Variants in TYW5 observed in about 807,000 individuals in gnomAD.
TYW5 encodes tRNA-yW synthesizing protein 5.
A neutral mutation model predicts 44.4 loss-of-function variants in TYW5; 36 were observed. That is an observed-to-expected ratio of 0.81 (90% CI 0.62 to 1.07). The LOEUF (loss-of-function observed/expected upper bound fraction) is 1.07, where lower values mean the gene tolerates loss of function less well. Ranked by LOEUF, TYW5 falls within the 50% of genes least tolerant of loss-of-function variation. TYW5 has a pLI of 0.00. For synonymous variants in TYW5, 121 were observed against 128.1 expected, an observed-to-expected ratio of 0.94 and a Z score of 0.37; for missense variants, 354 against 365.7, an observed-to-expected ratio of 0.97 and a Z score of 0.26.
intron 1 of TYW5, among the ~76,000 whole-genome samples, chr2:199,950,097 T>C (rs1020967172): frequency 6.6e-6 from 1 of 152,192 alleles, no homozygotes; most frequent in African/African-American, 2.4e-5. Flanking sequence ...AGTTAGGATA[T>C]ATGTGAGGGT....
At chr2:199,950,666 G>A (rs1377447965) in intron 1 of TYW5, among the ~76,000 whole-genome samples, 1 of 152,172 alleles carries the variant, frequency 6.6e-6, no homozygotes, top group Non-Finnish European at 1.5e-5. Flanking sequence ...GTGTGTGTAT[G>A]TGCACGTGCG....
At position 199,929,501 on chromosome 2, in the gene TYW5, A is replaced by T. The variant is rs1022917592; in HGVS notation, c.*3566T>A. On this transcript the variant is annotated 3_prime_UTR_variant, in exon 8 of 8. Transcript: ENST00000354611. Reference sequence around the variant, plus strand: ...TCTATTTTTTAGCACTGGGGAAAGGAGTCACAGCAGCACAGTTCCAATTCC... The same window carrying T: ...TCTATTTTTTAGCACTGGGGAAAGGTGTCACAGCAGCACAGTTCCAATTCC... Among the ~76,000 whole-genome samples the T allele has an allele frequency of 1.3e-5, 2 of 150,858 alleles. No individual in the cohort carries two copies. Among genetic ancestry groups the T allele is most frequent in the Non-Finnish European group, 2.9e-5 (2 of 67,864 alleles).
In TYW5 at chr2:199,938,935, CATA is replaced by C; in HGVS notation, c.481_483del (p.Tyr161del). ...AATTTCTCATTTATGTAGCATACAT[CATA>C]ATGAGTCCATAGTTGTAATCCTGGT... On this transcript the variant is annotated inframe_deletion, in exon 5 of 8. Transcript: ENST00000354611. 6.2e-7 allele frequency: 1 copy of C among 1,603,560 alleles called. No individual in the cohort carries two copies. The highest frequency in any genetic ancestry group is 8.5e-7 in the Non-Finnish European group (1 of 1,177,026).
At chr2:199,948,146 G>A (rs1462279481) in intron 2 of TYW5, 172 bp downstream of exon 2, 1 of 628,730 alleles carries the variant, frequency 1.6e-6, no homozygotes, top group Non-Finnish European at 2.7e-6. Context: ...TGTAAACTCA[G>A]AACTCTTGTC....
At chr2:199,939,178 T>A (rs2077444565) in intron 4 of TYW5, 108 bp from the exon 5 acceptor site, 1 of 974,380 alleles carries the variant, frequency 1.0e-6, no homozygotes, top group East Asian at 2.6e-5. Context: ...GATGTGACCA[T>A]GTGCCAATAC....
rs1019001211 is a variant in TYW5, at chr2:199,943,684, G to C, written c.303+81C>G. ...TATCAGAGACGGCTGTTGCTCTTGT[G>C]TATCTACTATTCTTTCATAAGAAAA... On this transcript the variant is annotated intron_variant, in intron 3 of 7. Coordinates refer to ENST00000354611, the MANE Select transcript of TYW5 (RefSeq NM_001039693.3). The C allele has an allele frequency of 3.7e-5, 41 of 1,106,860 alleles. 1 individual carries two copies. In the Admixed American group the frequency reaches 5.4e-4, roughly 15 times the overall value. 68.6% of individuals were successfully genotyped at this position (1,106,860 alleles called of 1,614,324 possible). A position where few individuals can be genotyped will look rare whatever the true frequency, so the allele number is the denominator to read the frequency against.
rs2077355705 is a variant in TYW5, at chr2:199,929,397, T to TACAA, written c.*3669_*3670insTTGT. On this transcript the variant is annotated 3_prime_UTR_variant, in exon 8 of 8. Coordinates refer to ENST00000354611, the MANE Select transcript of TYW5 (RefSeq NM_001039693.3). ...TTAAGACACCCAAAAACTTGTGGCT[T>TACAA]GTATGCTTGAAACAAGACTAAGGTA... 6.6e-6 allele frequency among the ~76,000 whole-genome samples: 1 copy of TACAA among 152,062 alleles called. No individual in the cohort carries two copies. Among genetic ancestry groups the TACAA allele is most frequent in the Non-Finnish European group, 1.5e-5 (1 of 68,026 alleles).
At chr2:199,948,806 A>G (rs1024016479) in intron 1 of TYW5, among the ~76,000 whole-genome samples, 1 of 152,218 alleles carries the variant, frequency 6.6e-6, no homozygotes, top group Admixed American at 6.5e-5. Flanking sequence ...GAGCACTACA[A>G]AGAATTTCCG....
chr2:199,936,363 T>C (rs1255854580), intron 6 of TYW5, 42 bp downstream of exon 6: 3 of 1,511,162 alleles, frequency 2.0e-6, no homozygotes, highest in African/African-American at 1.4e-5. Flanking sequence ...AAAGAGTAAC[T>C]GAATAGACTT....
intron 2 of TYW5, chr2:199,947,216 A>G (rs2077510030): frequency 6.6e-6 from 1 of 152,268 alleles, no homozygotes; most frequent in Non-Finnish European, 1.5e-5. Context: ...GGCTGTGGAC[A>G]TTAGAAGCTC....
chr2:199,941,290 G>A (rs1224603971), intron 3 of TYW5, among the ~76,000 whole-genome samples: 1 of 152,158 alleles, frequency 6.6e-6, no homozygotes, highest in Non-Finnish European at 1.5e-5. Context: ...ATCCTCCGGT[G>A]TTGGCCTCCC....
intron 3 of TYW5, among the ~76,000 whole-genome samples, chr2:199,941,225 GAGA>G (rs1379591721): frequency 6.6e-6 from 1 of 152,062 alleles, no homozygotes. Flanking sequence ...ACTATTTGTA[GAGA>G]AGGAGACTCG....
chr2:199,951,797 A>T (rs1574811086), intron 1 of TYW5, among the ~76,000 whole-genome samples: 1 of 152,204 alleles, frequency 6.6e-6, no homozygotes, highest in East Asian at 1.9e-4. Flanking sequence ...CAGGCGGATC[A>T]CAAAGTCAGG....
rs770190768 is a variant in TYW5 at position 199,940,080 on chromosome 2, A to G, written c.348+9T>C. 2.2e-5 allele frequency: 36 copies of G among 1,611,512 alleles called. No homozygotes were observed. The East Asian group carries it at 7.6e-4, about 34-fold the overall frequency. On this transcript the variant is annotated intron_variant, in intron 4 of 7. Coordinates refer to ENST00000354611, the MANE Select transcript of TYW5 (RefSeq NM_001039693.3). The stretch of plus-strand genomic sequence containing the variant: ...TTTTAGGGAATTGTTTTACATTTAG[A>G]ATTCTTACCTTTCTAGGGTCTTCTC...
chr2:199,949,503 A>G (rs892872440), intron 1 of TYW5, among the ~76,000 whole-genome samples: 1 of 152,216 alleles, frequency 6.6e-6, no homozygotes, highest in African/African-American at 2.4e-5. Context: ...CTGAGATGTC[A>G]CACTGCATTC....
chr2:199,938,201 A>G (rs1010368908), intron 5 of TYW5, among the ~76,000 whole-genome samples: 2 of 151,830 alleles, frequency 1.3e-5, no homozygotes, highest in Non-Finnish European at 2.9e-5. Flanking sequence ...AGTAGCTGGG[A>G]CTACAGGCAC....
Position 199,936,051 on chromosome 2 carries a change from A to C in TYW5, c.575-4T>G. 2.0e-6 allele frequency: 3 copies of C among 1,471,574 alleles called. No individual in the cohort carries two copies. Among genetic ancestry groups the C allele is most frequent in the Non-Finnish European group, 2.8e-6 (3 of 1,057,862 alleles). 91.2% of individuals were successfully genotyped at this position (1,471,574 alleles called of 1,614,324 possible). On this transcript the variant is annotated splice_region_variant and splice_polypyrimidine_tract_variant and intron_variant, in intron 6 of 7. Transcript: ENST00000354611. ...TTCAGTACTTCTGATTTAGTACCTA[A>C]AAAGTTCCAAAAAGGGATAATATAG...
At position 199,929,162 on chromosome 2, in the gene TYW5, T is replaced by C. The variant is rs547484943; in HGVS notation, c.*3905A>G. ...AAGGTCATTTTAGTATTCTGTTTAA[T>C]GGAACTTAGAAAGAGACTACATCGT... On this transcript the variant is annotated 3_prime_UTR_variant, in exon 8 of 8. Coordinates refer to ENST00000354611, the MANE Select transcript of TYW5 (RefSeq NM_001039693.3). Among the ~76,000 whole-genome samples, 12 of 137,128 alleles carry C rather than the reference T, an allele frequency of 8.8e-5. No individual in the cohort carries two copies. The highest frequency in any genetic ancestry group is 1.8e-4 in the Non-Finnish European group (11 of 60,854). 90.0% of individuals were successfully genotyped at this position (137,128 alleles called of 152,430 possible).
chr2:199,946,611 G>A (rs758960908), intron 2 of TYW5: 20 of 152,266 alleles, frequency 1.3e-4, no homozygotes, highest in Non-Finnish European at 2.2e-4. Context: ...ACCTGTTAAC[G>A]TATCAATCTT....
Sources: allele counts gnomAD v4.1 joint callset (sites outside exome capture counted in the v4.1 genomes callset), GRCh38; gene constraint gnomAD v4.1.1; transcripts MANE v1.5; gene names NCBI Gene and HGNC (gene_info 2026-07-23, HGNC 2026-07-21).